Variants in VGLL4 observed in about 807,000 individuals in gnomAD.
VGLL4 encodes transcription cofactor vestigial-like protein 4.
VGLL4 carries 7 observed loss-of-function variants against 21.0 expected under a neutral mutation model. That is an observed-to-expected ratio of 0.33 (90% CI 0.19 to 0.63). VGLL4 has a LOEUF of 0.63. Among genes scored for constraint, VGLL4 ranks in the 20% least tolerant of loss-of-function variants. The pLI is 0.78. For missense variants in VGLL4, 394 were observed against 425.7 expected (o/e 0.93, Z 0.66); for synonymous variants, 222 against 173.2 (o/e 1.28, Z -2.21).
intron 2 of VGLL4, among the ~76,000 whole-genome samples, chr3:11,681,523 A>G (rs2076371039): frequency 6.6e-6 from 1 of 152,232 alleles, no homozygotes; most frequent in Non-Finnish European, 1.5e-5. Context: ...ACCGGGCACC[A>G]TGGGCACAGG....
chr3:11,716,772 A>C (rs985037308), intron 1 of VGLL4, among the ~76,000 whole-genome samples: 2 of 152,092 alleles, frequency 1.3e-5, no homozygotes, highest in East Asian at 3.9e-4. Flanking sequence ...AAGATTTTGC[A>C]ATCTAGTTCT....
chr3:11,657,600 G>A (rs2075976111), intron 2 of VGLL4, among the ~76,000 whole-genome samples: 1 of 152,100 alleles, frequency 6.6e-6, no homozygotes, highest in South Asian at 2.1e-4. Context: ...TGCTAACTAG[G>A]AGGAATCTGG....
chr3:11,608,421 A>G (rs75035496), intron 1 of VGLL4, among the ~76,000 whole-genome samples: 2,001 of 152,334 alleles, frequency 0.013, 50 homozygotes, highest in African/African-American at 0.046. Context: ...ACATGGATCA[A>G]TAATATTCCT....
chr3:11,568,244 CTTA>C lies in VGLL4; in HGVS notation c.273-3228_273-3226del, dbSNP rs1287132354. Among the ~76,000 whole-genome samples the C allele has an allele frequency of 6.6e-6, 1 of 152,208 alleles. No homozygotes were observed. The highest frequency in any genetic ancestry group is 1.5e-5 in the Non-Finnish European group (1 of 68,038). ...ATAAGGCACTGCCCACCCCTCGCAC[CTTA>C]TGTCCTAGGGGCACGGCACAGTCAC... On this transcript the variant is annotated intron_variant, in intron 2 of 4. Coordinates refer to ENST00000430365, the MANE Select transcript of VGLL4 (RefSeq NM_001128219.3). The surrounding 1 kb of genome is among the most constrained non-coding windows in gnomAD (Gnocchi z 5.9).
At chr3:11,640,570 G>A (rs1303131093) in intron 1 of VGLL4, among the ~76,000 whole-genome samples, 1 of 152,146 alleles carries the variant, frequency 6.6e-6, no homozygotes, top group Non-Finnish European at 1.5e-5. Context: ...GCCAGACTTC[G>A]ATTCTTCCGG....
At chr3:11,713,627 C>A (rs995364637) in intron 1 of VGLL4, among the ~76,000 whole-genome samples, 7 of 146,948 alleles carry the variant, frequency 4.8e-5, no homozygotes, top group Non-Finnish European at 8.9e-5. Context: ...TTTTCAGGTA[C>A]CTGCCAACCT....
chr3:11,596,728 C>T (rs969057731), intron 2 of VGLL4, among the ~76,000 whole-genome samples: 2 of 152,306 alleles, frequency 1.3e-5, no homozygotes, highest in Non-Finnish European at 2.9e-5. Context: ...TGAAATGTGA[C>T]TCCTGCAGCT....
chr3:11,693,014 C>CA, intron 2 of VGLL4: 1 of 168,476 alleles, frequency 5.9e-6, no homozygotes, highest in Non-Finnish European at 1.3e-5. Flanking sequence ...ACCAAAAATA[C>CA]AAAAAATTAG....
chr3:11,647,030 G>A (rs2075804584), upstream of VGLL4, among the ~76,000 whole-genome samples: 1 of 152,152 alleles, frequency 6.6e-6, no homozygotes, highest in African/African-American at 2.4e-5. Context: ...TCTAGTTATA[G>A]GGCTGCATTA....
intron 2 of VGLL4, among the ~76,000 whole-genome samples, chr3:11,581,078 T>TAA (rs78523823): frequency 6.8e-6 from 1 of 146,944 alleles, no homozygotes; most frequent in Non-Finnish European, 1.5e-5. Context: ...TTTTTTTTTT[T>TAA]AAAAAAAAAG....
At chr3:11,658,474 C>T (rs969022143) in intron 2 of VGLL4, among the ~76,000 whole-genome samples, 4 of 151,704 alleles carry the variant, frequency 2.6e-5, no homozygotes, top group Non-Finnish European at 5.9e-5. Context: ...AAGCCTTCTT[C>T]GTAATATTTA....
intron 1 of VGLL4, among the ~76,000 whole-genome samples, chr3:11,634,228 C>T (rs2075542224): frequency 6.6e-6 from 1 of 152,146 alleles, no homozygotes; most frequent in African/African-American, 2.4e-5. Context: ...AGAACCTAGT[C>T]CTCTTCCTGT....
intron 1 of VGLL4, among the ~76,000 whole-genome samples, chr3:11,714,078 G>A (rs1374224165): frequency 6.6e-6 from 1 of 152,170 alleles, no homozygotes; most frequent in Non-Finnish European, 1.5e-5. Flanking sequence ...TTTGGTATCA[G>A]TGTAAACTAT....
At chr3:11,561,709 G>C (rs1256995637) in intron 3 of VGLL4, among the ~76,000 whole-genome samples, 2 of 152,010 alleles carry the variant, frequency 1.3e-5, no homozygotes, top group Admixed American at 1.3e-4. Context: ...ATGAAGGCCA[G>C]AAACACCCTG....
intron 2 of VGLL4, chr3:11,582,167 C>T: frequency 8.2e-7 from 1 of 1,215,960 alleles, no homozygotes. Context: ...GACTACTCTA[C>T]CTCTCCCAGC....
Position 11,680,442 on chromosome 3 carries a change from G to A in VGLL4, c.64+22529C>T, listed in dbSNP as rs530816712. Among the ~76,000 whole-genome samples, 90 of 152,190 alleles carry A rather than the reference G, an allele frequency of 5.9e-4. No individual in the cohort carries two copies. In the Middle Eastern group the frequency reaches 0.01, roughly 17 times the overall value. ...ATAAGTACTACACAAAGATACTCTGGAAGGTCAAAAGCCGCATCATCCTTG... is the reference window on the plus strand; with the variant it reads ...ATAAGTACTACACAAAGATACTCTGAAAGGTCAAAAGCCGCATCATCCTTG... On this transcript the variant is annotated intron_variant, in intron 2 of 5. Transcript: ENST00000273038.
chr3:11,560,657 G>A (rs17034661), intron 3 of VGLL4, among the ~76,000 whole-genome samples: 24,180 of 152,152 alleles, frequency 0.16, 2,374 homozygotes, highest in East Asian at 0.32. Context: ...ACCTGTGCTT[G>A]GGTCTAACAA....
At chr3:11,589,783 T>C (rs898213998) in intron 2 of VGLL4, among the ~76,000 whole-genome samples, 5 of 152,194 alleles carry the variant, frequency 3.3e-5, no homozygotes, top group East Asian at 1.9e-4. Context: ...TGTGTCCTTA[T>C]GTGGTGGGGA....
rs557136348 is a variant in VGLL4 at position 11,642,303 on chromosome 3, GGTT to G, written c.82+1131_82+1133del. On this transcript the variant is annotated intron_variant, in intron 1 of 4. Coordinates refer to ENST00000430365, the MANE Select transcript of VGLL4 (RefSeq NM_001128219.3). ...AGTTTTAAAAAACAACGTGAATGAG[GGTT>G]GTTGTTGTTTTTTTTCCTTGAAGGG... 4.7e-4 allele frequency among the ~76,000 whole-genome samples: 72 copies of G among 152,272 alleles called. No individual in the cohort carries two copies. In the East Asian group the frequency reaches 6.0e-3, roughly 13 times the overall value.
Sources: gnomAD v4.1 joint callset for allele counts (sites outside exome capture counted in the v4.1 genomes callset) on GRCh38, gnomAD v4.1.1 for gene constraint, Gnocchi (gnomAD v3.1) non-coding constraint, MANE v1.5 for transcripts, NCBI Gene and HGNC (gene_info 2026-07-23, HGNC 2026-07-21) for gene names.